The following METTL15 variants were observed in gnomAD, a reference collection of about 807,000 sequenced individuals.
METTL15 encodes methyltransferase 15, mitochondrial 12S rRNA N4-cytidine.
METTL15 carries 34 observed loss-of-function variants against 38.3 expected under a neutral mutation model. That is an observed-to-expected ratio of 0.89 (90% CI 0.68 to 1.18). METTL15 has a LOEUF of 1.18. METTL15 is among the 50% of genes most tolerant of loss of function. The pLI is 0.00. For synonymous variants in METTL15, 162 were observed against 170.9 expected (o/e 0.95, Z 0.41); for missense variants, 438 against 498.4 (o/e 0.88, Z 1.15).
downstream of METTL15, among the ~76,000 whole-genome samples, chr11:28,336,816 TATC>T (rs530246351): frequency 3.3e-5 from 5 of 152,206 alleles, no homozygotes; most frequent in Non-Finnish European, 7.4e-5. Flanking sequence ...TACTATGTTT[TATC>T]ATTATTTTAG....
At chr11:28,149,514 T>A (rs1850006431) in intron 3 of METTL15, among the ~76,000 whole-genome samples, 1 of 151,982 alleles carries the variant, frequency 6.6e-6, no homozygotes, top group Non-Finnish European at 1.5e-5. Flanking sequence ...ATCCCAACTC[T>A]GTGTTACTTT....
intron 6 of METTL15, among the ~76,000 whole-genome samples, chr11:28,525,969 C>T (rs368541617): frequency 6.3e-4 from 96 of 152,302 alleles, no homozygotes; most frequent in Admixed American, 1.6e-3. Context: ...TAAGGCCCGG[C>T]GAGAAATTGA....
At chr11:28,274,264 C>A (rs1185148508) in intron 4 of METTL15, among the ~76,000 whole-genome samples, 3 of 151,912 alleles carry the variant, frequency 2.0e-5, no homozygotes, top group Non-Finnish European at 2.9e-5. Flanking sequence ...TTTTAATGAA[C>A]TTTTTTCAGA....
At chr11:28,119,416 G>T (rs1382463191) in intron 3 of METTL15, among the ~76,000 whole-genome samples, 1 of 152,142 alleles carries the variant, frequency 6.6e-6, no homozygotes, top group East Asian at 1.9e-4. Flanking sequence ...TGGGTACTGA[G>T]GTAGCTTCTC....
intron 4 of METTL15, among the ~76,000 whole-genome samples, chr11:28,358,301 C>T (rs1031891311): frequency 6.6e-6 from 1 of 152,160 alleles, no homozygotes; most frequent in African/African-American, 2.4e-5. Context: ...GTAGAGAATC[C>T]AGCCATGCTA....
At chr11:28,235,254 T>C (rs1025956846) in intron 4 of METTL15, among the ~76,000 whole-genome samples, 3 of 152,062 alleles carry the variant, frequency 2.0e-5, no homozygotes, top group African/African-American at 4.8e-5. Context: ...CCTCCAGCTT[T>C]GTTCTTGTGG....
chr11:28,511,228 C>T (rs1265500966), intron 6 of METTL15, among the ~76,000 whole-genome samples: 1 of 152,158 alleles, frequency 6.6e-6, no homozygotes, highest in Non-Finnish European at 1.5e-5. Context: ...TAAATTTTGA[C>T]TCTCCCCAAA....
intron 6 of METTL15, among the ~76,000 whole-genome samples, chr11:28,453,110 T>A (rs189600858): frequency 4.3e-4 from 65 of 152,310 alleles, no homozygotes; most frequent in Non-Finnish European, 7.1e-4. Flanking sequence ...TGCTTTTTCT[T>A]TTTAATACCA....
chr11:28,378,729 T>C (rs537000398), intron 5 of METTL15, among the ~76,000 whole-genome samples: 11 of 151,486 alleles, frequency 7.3e-5, no homozygotes, highest in Non-Finnish European at 1.2e-4. Flanking sequence ...GCTAGTGTCT[T>C]AGAATGGGTT....
intron 6 of METTL15, among the ~76,000 whole-genome samples, chr11:28,470,069 A>T (rs10835344): frequency 0.1 from 15,539 of 152,084 alleles, 1,166 homozygotes; most frequent in East Asian, 0.36. Flanking sequence ...CACAATGTAG[A>T]CTCTCTTACT....
At chr11:28,232,568 G>A (rs958027942) in intron 4 of METTL15, among the ~76,000 whole-genome samples, 6 of 151,502 alleles carry the variant, frequency 4.0e-5, no homozygotes, top group African/African-American at 1.2e-4. Context: ...AATTTAAAAA[G>A]TACTTTTTAT....
intron 6 of METTL15, among the ~76,000 whole-genome samples, chr11:28,441,097 G>T (rs1350541415): frequency 1.3e-5 from 2 of 149,832 alleles, no homozygotes; most frequent in Non-Finnish European, 3.0e-5. Flanking sequence ...TAATAATGTG[G>T]TACATTACCA....
At chr11:28,244,841 G>A (rs1033422042) in intron 4 of METTL15, among the ~76,000 whole-genome samples, 9 of 152,192 alleles carry the variant, frequency 5.9e-5, no homozygotes, top group South Asian at 2.1e-4. Flanking sequence ...GGCTGGGGCC[G>A]AAGCTATGGA....
chr11:28,318,784 C>T (rs541862478), intron 6 of METTL15, among the ~76,000 whole-genome samples: 1 of 152,204 alleles, frequency 6.6e-6, no homozygotes, highest in African/African-American at 2.4e-5. Context: ...GTAAGTGAGT[C>T]AAGAAAAGCC....
intron 6 of METTL15, among the ~76,000 whole-genome samples, chr11:28,304,982 C>A (rs1857032863): frequency 6.6e-6 from 1 of 152,088 alleles, no homozygotes; most frequent in Non-Finnish European, 1.5e-5. Flanking sequence ...GATGGCTCCC[C>A]AATATATCAT....
chr11:28,353,481 G>A (rs1036453492), intron 4 of METTL15, among the ~76,000 whole-genome samples: 3 of 152,168 alleles, frequency 2.0e-5, no homozygotes, highest in African/African-American at 7.2e-5. Context: ...ATGTCTGTTA[G>A]AGGAAGTGTC....
At chr11:28,248,535 T>A (rs1208097329) in intron 4 of METTL15, among the ~76,000 whole-genome samples, 1 of 152,064 alleles carries the variant, frequency 6.6e-6, no homozygotes, top group African/African-American at 2.4e-5. Flanking sequence ...CTCCCTTTAA[T>A]TTTATTCCAT....
chr11:28,431,789 TTAAAAAAAAAAAAAAAAAGAAAAA>T (rs1850931519), intron 6 of METTL15, among the ~76,000 whole-genome samples: 1 of 9,952 alleles, frequency 1.0e-4, no homozygotes, highest in East Asian at 5.3e-3. Context: ...AAAAATAAAT[TTAAAAAAAAAAAAAAAAAGAAAAA>T]AAAAAAAAAA....
intron 4 of METTL15, among the ~76,000 whole-genome samples, chr11:28,227,418 T>C (rs1853526545): frequency 6.6e-6 from 1 of 151,906 alleles, no homozygotes; most frequent in Admixed American, 6.6e-5. Flanking sequence ...TAGGAAGACT[T>C]CCAGAGTATT....
Sources: gnomAD v4.1 joint callset for allele counts (sites outside exome capture counted in the v4.1 genomes callset) on GRCh38, gnomAD v4.1.1 for gene constraint, MANE v1.5 for transcripts, NCBI Gene and HGNC (gene_info 2026-07-23, HGNC 2026-07-21) for gene names.